The following SUMF1 variants were observed in gnomAD, a reference collection of about 807,000 sequenced individuals.
SUMF1 encodes the protein formylglycine-generating enzyme.
A neutral mutation model predicts 47.6 loss-of-function variants in SUMF1; 48 were observed. That is an observed-to-expected ratio of 1.01 (90% confidence interval 0.80 to 1.28). The LOEUF (loss-of-function observed/expected upper bound fraction) is 1.28. Ranked by LOEUF, SUMF1 falls within the 50% of genes most tolerant of loss-of-function variation. The pLI is 0.00. For missense variants in SUMF1, 571 were observed against 485.4 expected (o/e 1.18, Z -1.66); for synonymous variants, 230 against 192.1 (o/e 1.20, Z -1.63).
At chr3:4,171,320 T>C (rs549877565) in intron 8 of SUMF1, among the ~76,000 whole-genome samples, 6 of 152,234 alleles carry the variant, frequency 3.9e-5, no homozygotes, top group South Asian at 2.1e-4. Flanking sequence ...TCAGCACACA[T>C]GAGTCTATAA....
chr3:4,194,678 T>G (rs2125146091), intron 8 of SUMF1, among the ~76,000 whole-genome samples: 1 of 152,328 alleles, frequency 6.6e-6, no homozygotes, highest in Non-Finnish European at 1.5e-5. Flanking sequence ...CACATTGCCT[T>G]GCACAGCAAA....
At chr3:4,332,928 A>C (rs1699078176) in intron 8 of SUMF1, among the ~76,000 whole-genome samples, 1 of 152,200 alleles carries the variant, frequency 6.6e-6, no homozygotes, top group Non-Finnish European at 1.5e-5. Flanking sequence ...CAAATGGTAG[A>C]ACAGTGCAGC....
chr3:4,283,930 A>T (rs1452428495), intron 8 of SUMF1, among the ~76,000 whole-genome samples: 3 of 152,134 alleles, frequency 2.0e-5, no homozygotes, highest in Non-Finnish European at 2.9e-5. Context: ...CTCTTTCTTA[A>T]GGGCCCTAGT....
At chr3:4,213,533 T>C (rs1289340476) in intron 8 of SUMF1, among the ~76,000 whole-genome samples, 1 of 152,156 alleles carries the variant, frequency 6.6e-6, no homozygotes, top group African/African-American at 2.4e-5. Context: ...GCTAGCATCA[T>C]AATGGTAAGA....
At chr3:4,074,990 T>G (rs1692386588) in intron 8 of SUMF1, among the ~76,000 whole-genome samples, 1 of 152,046 alleles carries the variant, frequency 6.6e-6, no homozygotes, top group Admixed American at 6.6e-5. Flanking sequence ...CCTAACTCAT[T>G]TTATGAGGCC....
intron 8 of SUMF1, among the ~76,000 whole-genome samples, chr3:4,346,830 T>TA (rs1699383784): frequency 6.6e-6 from 1 of 151,650 alleles, no homozygotes; most frequent in Non-Finnish European, 1.5e-5. Context: ...ATAGATGCAA[T>TA]AAAAAAATGA....
At chr3:4,356,712 T>C (rs1478044343), downstream of SUMF1, among the ~76,000 whole-genome samples, 3 of 152,176 alleles carry the variant, frequency 2.0e-5, no homozygotes, top group African/African-American at 7.2e-5. Flanking sequence ...TTTTTAAAAA[T>C]ATTAGTTGGT....
intron 9 of SUMF1, among the ~76,000 whole-genome samples, chr3:4,050,405 C>A (rs1695085867): frequency 6.6e-6 from 1 of 151,802 alleles, no homozygotes; most frequent in African/African-American, 2.4e-5. Context: ...ATGTCCTTAT[C>A]TGTAAAATGG....
chr3:4,333,545 T>A (rs1263155588), intron 8 of SUMF1, among the ~76,000 whole-genome samples: 1 of 148,468 alleles, frequency 6.7e-6, no homozygotes, highest in Non-Finnish European at 1.5e-5. Flanking sequence ...AAGGATCCCA[T>A]TTTTTATACC....
intron 8 of SUMF1, among the ~76,000 whole-genome samples, chr3:4,220,947 T>C (rs1204895040): frequency 6.6e-6 from 1 of 152,048 alleles, no homozygotes; most frequent in Non-Finnish European, 1.5e-5. Context: ...TGCACCAGAG[T>C]CTCATGCTAC....
intron 8 of SUMF1, among the ~76,000 whole-genome samples, chr3:4,099,062 G>C (rs545213440): frequency 2.6e-5 from 4 of 152,192 alleles, no homozygotes; most frequent in African/African-American, 9.6e-5. Context: ...TATTCTCCAT[G>C]AGTTATGAGA....
At chr3:4,420,901 T>G (rs1411778681) in intron 3 of SUMF1, among the ~76,000 whole-genome samples, 1 of 152,180 alleles carries the variant, frequency 6.6e-6, no homozygotes, top group East Asian at 1.9e-4. Context: ...AGACCCCGAT[T>G]CAACTTCCAA....
chr3:4,186,527 A>G (rs1489702794), intron 8 of SUMF1, among the ~76,000 whole-genome samples: 6 of 152,136 alleles, frequency 3.9e-5, no homozygotes, highest in Non-Finnish European at 5.9e-5. Context: ...ATTTTTGTCA[A>G]TAAGTATATG....
rs376126385 is a variant in SUMF1 at position 4,362,213 on chromosome 3, G to C, written c.1056C>G (p.Asn352Lys). The change falls in exon 9 of 9, where the codon AAC (asparagine) becomes AAG (lysine). Residue 352 changes from asparagine (N) to lysine (K), a missense_variant. Transcript: ENST00000272902. ...YRYRCAARSQ[N>K]TPDSSASNLG... ...GATTCGAAGCAGAGCTATCAGGTGTGTTCTGGCTCCGAGCAGCACAGCGAT... is the reference window on the plus strand; with the variant it reads ...GATTCGAAGCAGAGCTATCAGGTGTCTTCTGGCTCCGAGCAGCACAGCGAT... The C allele has an allele frequency of 8.7e-6, 14 of 1,614,082 alleles. No individual in the cohort carries two copies. The highest frequency in any genetic ancestry group is 1.2e-5 in the Non-Finnish European group (14 of 1,180,032).
At chr3:4,313,276 C>A (rs960535534) in intron 8 of SUMF1, 5 of 1,613,798 alleles carry the variant, frequency 3.1e-6, no homozygotes, top group Non-Finnish European at 4.2e-6. Context: ...CTCTGAAGTT[C>A]AGAGAAGAAT....
chr3:4,303,344 G>A lies in SUMF1; in HGVS notation c.1014+72986C>T, dbSNP rs995219285. 9 of 1,527,072 alleles carry A rather than the reference G, an allele frequency of 5.9e-6. No homozygotes were observed. In the African/African-American group the frequency reaches 7.2e-5, roughly 12 times the overall value. The allele number at this position is 1,527,072 out of a possible 1,614,324, so 94.6% of individuals were successfully genotyped here. ...CACCGCGCGGCCCAGGACTGTCAGG[G>A]TAGTGGGCGTTGCGTGAGGCGGGTA... On this transcript the variant is annotated intron_variant and NMD_transcript_variant, in intron 8 of 12. Transcript: ENST00000448413.
chr3:4,350,255 C>T (rs1345185158), intron 8 of SUMF1, among the ~76,000 whole-genome samples: 2 of 151,786 alleles, frequency 1.3e-5, no homozygotes, highest in Non-Finnish European at 2.9e-5. Flanking sequence ...AACTCCTGAC[C>T]TCGTGATCTG....
At chr3:4,246,084 T>C (rs1696662407) in intron 8 of SUMF1, among the ~76,000 whole-genome samples, 1 of 152,200 alleles carries the variant, frequency 6.6e-6, no homozygotes, top group African/African-American at 2.4e-5. Flanking sequence ...GGAGGGAATC[T>C]CCTGGTCTTC....
chr3:4,337,262 A>G (rs923212326), intron 8 of SUMF1, among the ~76,000 whole-genome samples: 6 of 91,544 alleles, frequency 6.6e-5, no homozygotes, highest in Admixed American at 1.6e-4. Flanking sequence ...TCTCTCCCTC[A>G]CTCCCCCTCC....
Sources: gnomAD v4.1 joint callset for allele counts (sites outside exome capture counted in the v4.1 genomes callset) on GRCh38, gnomAD v4.1.1 for gene constraint, MANE v1.5 for transcripts, NCBI Gene and HGNC (gene_info 2026-07-23, HGNC 2026-07-21) for gene names.